ABCA5: variants seen among roughly 807,000 people sequenced by gnomAD.
The protein encoded by ABCA5 is cholesterol transporter ABCA5.
Under a neutral mutation model 206.0 loss-of-function variants are expected in ABCA5, and 163 were observed. The ratio of observed to expected loss-of-function variants is 0.79; its 90% CI spans 0.70 to 0.90. The LOEUF is 0.90. Among genes scored for constraint, ABCA5 ranks in the 40% least tolerant of loss-of-function variants. The probability of loss-of-function intolerance (pLI) is 0.00; values close to 1 mark genes in which losing one functional copy is unlikely to be tolerated. For missense variants in ABCA5, 1,859 were observed against 1,912.9 expected (o/e 0.97, Z 0.53); for synonymous variants, 609 against 613.8 (o/e 0.99, Z 0.11).
intron 3 of ABCA5, among the ~76,000 whole-genome samples, chr17:69,312,063 T>C (rs560741544): frequency 6.6e-6 from 1 of 152,276 alleles, no homozygotes; most frequent in South Asian, 2.1e-4. Flanking sequence ...TAAAATCCAA[T>C]AATGCGATGA....
At position 69,261,723 on chromosome 17, in the gene ABCA5, G is replaced by A; in HGVS notation, c.3341C>T (p.Pro1114Leu). Residue 1114 changes from proline to leucine, a missense_variant, in exon 25 of 39, where the codon CCA becomes CTA. By Grantham distance (98) the Pro-to-Leu change is moderately conservative (BLOSUM62 -3). Transcript: ENST00000392676. The part of the protein sequence containing the change: ...AVVFCLIGYV[P>L]SVILFTYIAS... ...AATATAAGTGAACAGAATAACTGAT[G>A]GAACATAACCAATAAGGCAAAAAAC... The A allele has an allele frequency of 1.3e-6, 2 of 1,482,278 alleles. No individual in the cohort carries two copies. Among genetic ancestry groups the A allele is most frequent in the East Asian group, 2.5e-5 (1 of 40,012 alleles). 91.8% of individuals were successfully genotyped at this position (1,482,278 alleles called of 1,614,324 possible). A position where few individuals can be genotyped will look rare whatever the true frequency, so the allele number is the denominator to read the frequency against.
intron 17 of ABCA5, among the ~76,000 whole-genome samples, chr17:69,284,299 C>A (rs934232171): frequency 1.3e-5 from 2 of 152,056 alleles, no homozygotes; most frequent in African/African-American, 4.8e-5. Flanking sequence ...GAGTTTGAGG[C>A]TGCAGTGAGC....
intron 4 of ABCA5, among the ~76,000 whole-genome samples, 170 bp downstream of exon 4, chr17:69,309,092 T>C (rs1247195734): frequency 6.6e-6 from 1 of 152,134 alleles, no homozygotes; most frequent in Non-Finnish European, 1.5e-5. Flanking sequence ...TAGAAGTAGA[T>C]AGGTATTTAT....
At chr17:69,308,440 G>T in intron 4 of ABCA5, 72 bp from the exon 5 acceptor site, 1 of 983,338 alleles carries the variant, frequency 1.0e-6, no homozygotes, top group South Asian at 1.4e-5. Context: ...GATATTATAT[G>T]GAGAGATACC....
intron 20 of ABCA5, 26 bp from the exon 21 acceptor site, chr17:69,271,315 T>A: frequency 6.3e-7 from 1 of 1,592,000 alleles, no homozygotes; most frequent in Admixed American, 1.8e-5. Context: ...AAGCAAATAA[T>A]AAAAAATGAG....
intron 26 of ABCA5, among the ~76,000 whole-genome samples, chr17:69,260,638 T>C (rs2075136767): frequency 6.6e-6 from 1 of 151,840 alleles, no homozygotes; most frequent in South Asian, 2.1e-4. Flanking sequence ...GAAGCAGGGG[T>C]AGTAGGATTA....
chr17:69,270,875 G>A, intron 21 of ABCA5, 125 bp from the exon 22 acceptor site: 1 of 881,328 alleles, frequency 1.1e-6, no homozygotes, highest in East Asian at 2.9e-5. Context: ...ACAACTCACA[G>A]AAATAATACT....
Position 69,246,964 on chromosome 17 carries a change from T to C in ABCA5, c.*573A>G, listed in dbSNP as rs2074958518. The C allele has an allele frequency of 6.6e-6, 1 of 152,012 alleles. No homozygotes were observed. Among genetic ancestry groups the C allele is most frequent in the Non-Finnish European group, 1.5e-5 (1 of 67,840 alleles). 9.4% of individuals were successfully genotyped at this position (152,012 alleles called of 1,614,324 possible). ...GAACAAGGGCTCATTTCACTTATTA[T>C]GATCAATGACTGCCACCTAGTGGAT... is the stretch of plus-strand genomic sequence containing the variant. On this transcript the variant is annotated 3_prime_UTR_variant, in exon 39 of 39. Transcript: ENST00000392676.
At chr17:69,272,883 T>C (rs1171778724) in intron 20 of ABCA5, among the ~76,000 whole-genome samples, 2 of 152,194 alleles carry the variant, frequency 1.3e-5, no homozygotes, top group Admixed American at 6.5e-5. Flanking sequence ...ATTTTAATAC[T>C]GGGCAAAGTC....
chr17:69,295,453 T>C (rs1376559675), intron 10 of ABCA5, among the ~76,000 whole-genome samples: 1 of 152,080 alleles, frequency 6.6e-6, no homozygotes, highest in African/African-American at 2.4e-5. Flanking sequence ...GATGAACAGC[T>C]CACAAGGAGA....
chr17:69,325,152 A>C (rs909683862), intron 1 of ABCA5, among the ~76,000 whole-genome samples: 7 of 151,578 alleles, frequency 4.6e-5, no homozygotes, highest in African/African-American at 1.7e-4. Context: ...AAAAAAAAAA[A>C]AAAAAAAATA....
At chr17:69,323,681 C>T (rs767615339) in intron 1 of ABCA5, among the ~76,000 whole-genome samples, 1 of 152,094 alleles carries the variant, frequency 6.6e-6, no homozygotes, top group Non-Finnish European at 1.5e-5. Context: ...AAACAACAGT[C>T]TTATTTATCT....
At chr17:69,286,073 C>T (rs571816260) in intron 16 of ABCA5, 36 bp from the exon 17 acceptor site, 4 of 1,586,474 alleles carry the variant, frequency 2.5e-6, no homozygotes, top group South Asian at 1.2e-5. Context: ...AATGATTATA[C>T]AATAAACAGC....
rs141609615 is a variant in ABCA5, at chr17:69,246,985, T to A, written c.*552A>T. The stretch of plus-strand genomic sequence containing the variant: ...ATTATGATCAATGACTGCCACCTAG[T>A]GGATATAACTTTCCTCAAATCTCTA... On this transcript the variant is annotated 3_prime_UTR_variant, in exon 39 of 39. Coordinates refer to ENST00000392676, the MANE Select transcript of ABCA5 (RefSeq NM_172232.4). 1 of 152,142 alleles carries A rather than the reference T, an allele frequency of 6.6e-6. No individual in the cohort carries two copies. Among genetic ancestry groups the A allele is most frequent in the East Asian group, 1.9e-4 (1 of 5,188 alleles). 9.4% of individuals were successfully genotyped at this position (152,142 alleles called of 1,614,324 possible). A position where few individuals can be genotyped will look rare whatever the true frequency, so the allele number is the denominator to read the frequency against.
At chr17:69,316,527 A>G (rs2075817564) in intron 1 of ABCA5, among the ~76,000 whole-genome samples, 1 of 151,638 alleles carries the variant, frequency 6.6e-6, no homozygotes, top group Non-Finnish European at 1.5e-5. Flanking sequence ...CTATAGGACA[A>G]TAACAAAAAG....
Position 69,284,092 on chromosome 17 carries a change from G to T in ABCA5, c.2273-20C>A, listed in dbSNP as rs746752223. 1 of 1,514,700 alleles carries T rather than the reference G, an allele frequency of 6.6e-7. No homozygotes were observed. Among genetic ancestry groups the T allele is most frequent in the Admixed American group, 2.3e-5 (1 of 43,974 alleles). 93.8% of individuals were successfully genotyped at this position (1,514,700 alleles called of 1,614,324 possible). ...ACAAACCTAAAAGAAAAAAATGAAA[G>T]AATAGTATATCTTTAAGCATATTAT... On this transcript the variant is annotated intron_variant, in intron 17 of 38. Transcript: ENST00000392676.
Position 69,290,036 on chromosome 17 carries a change from C to A in ABCA5, c.1608G>T (p.Gly536=), listed in dbSNP as rs1431137606. Residue 536 remains glycine (G), a splice_region_variant and synonymous_variant, in exon 13 of 39, where the codon GGG becomes GGT. Coordinates refer to ENST00000392676, the MANE Select transcript of ABCA5 (RefSeq NM_172232.4). The stretch of plus-strand genomic sequence containing the variant: ...CTCTGTGTCCATATATAGATGCAAA[C>A]CCTAAAAGCAAAATATATATTTAAA... ...ILCGLCPPSD[G]FASIYGHRVS... The A allele has an allele frequency of 6.4e-7, 1 of 1,559,044 alleles. No individual in the cohort carries two copies. The highest frequency in any genetic ancestry group is 2.0e-5 in the Admixed American group (1 of 49,926).
Position 69,297,058 on chromosome 17 carries a change from C to G in ABCA5, c.1436+133G>C, listed in dbSNP as rs935657297. On this transcript the variant is annotated intron_variant, in intron 10 of 38. Transcript: ENST00000392676. ...AAAATAAGAAAAAGAGAAAAGTAGC[C>G]CTTATTAATGTTTTAAAATCATGGC... 26 of 819,834 alleles carry G rather than the reference C, an allele frequency of 3.2e-5. 2 individuals are homozygous for G. In the East Asian group the frequency reaches 7.8e-4, roughly 25 times the overall value. The allele number at this position is 819,834 out of a possible 1,614,324, so 50.8% of individuals were successfully genotyped here.
Position 69,284,089 on chromosome 17 carries a change from AAAG to A in ABCA5, c.2273-20_2273-18del. 2 of 1,524,564 alleles carry A rather than the reference AAAG, an allele frequency of 1.3e-6. No homozygotes were observed. Among genetic ancestry groups the A allele is most frequent in the Middle Eastern group, 1.9e-4 (1 of 5,338 alleles). 94.4% of individuals were successfully genotyped at this position (1,524,564 alleles called of 1,614,324 possible). On this transcript the variant is annotated intron_variant, in intron 17 of 38. Transcript: ENST00000392676. ...AAAACAAACCTAAAAGAAAAAAATG[AAAG>A]AATAGTATATCTTTAAGCATATTAT...
Sources: allele counts gnomAD v4.1 joint callset (sites outside exome capture counted in the v4.1 genomes callset), GRCh38; gene constraint gnomAD v4.1.1; transcripts MANE v1.5; gene names NCBI Gene and HGNC (gene_info 2026-07-23, HGNC 2026-07-21).